EDA: variants seen among roughly 807,000 people sequenced by gnomAD.
The protein encoded by EDA is ectodysplasin-A.
In EDA, 2 loss-of-function variants were observed where a neutral mutation model predicts 23.6. The observed-to-expected ratio is 0.08, with a 90% CI of 0.03 to 0.27. The LOEUF (loss-of-function observed/expected upper bound fraction) is 0.27, where lower values mean the gene tolerates loss of function less well. Ranked by LOEUF, EDA falls within the 10% of genes least tolerant of loss-of-function variation. The pLI is 1.00. For synonymous variants in EDA, 131 were observed against 132.0 expected (o/e 0.99, Z 0.05); for missense variants, 229 against 324.2 (o/e 0.71, Z 2.26).
At chrX:69,892,154 G>A (rs1282538333) in intron 1 of EDA, among the ~76,000 whole-genome samples, 1 of 111,910 alleles carries the variant, frequency 8.9e-6, no homozygotes. Flanking sequence ...TAAGGTATTT[G>A]TATGCTTCTT....
intron 1 of EDA, among the ~76,000 whole-genome samples, chrX:69,842,268 G>A (rs1439664639): frequency 9.0e-6 from 1 of 111,707 alleles, no homozygotes; most frequent in African/African-American, 3.3e-5. Flanking sequence ...CTAATGTCTG[G>A]TGATCTGTCA....
At chrX:69,877,475 T>G (rs2017663880) in intron 1 of EDA, among the ~76,000 whole-genome samples, 1 of 112,644 alleles carries the variant, frequency 8.9e-6, no homozygotes, top group Non-Finnish European at 1.9e-5. Flanking sequence ...TTGAATATCT[T>G]TTATAATGTA....
chrX:69,750,755 G>T (rs1001570951), intron 1 of EDA, among the ~76,000 whole-genome samples: 1 of 111,804 alleles, frequency 8.9e-6, no homozygotes, highest in Non-Finnish European at 1.9e-5. Context: ...ATTTTGACTC[G>T]CATTTCTCTA....
intron 1 of EDA, among the ~76,000 whole-genome samples, chrX:69,791,986 G>A (rs766183107): frequency 1.8e-5 from 2 of 111,605 alleles, no homozygotes; most frequent in Non-Finnish European, 3.8e-5. Flanking sequence ...AACAGTTTTG[G>A]GGGGTACAGC....
At chrX:69,998,007 G>A (rs756946668) in intron 2 of EDA, among the ~76,000 whole-genome samples, 3 of 112,505 alleles carry the variant, frequency 2.7e-5, no homozygotes, top group Non-Finnish European at 5.6e-5. Context: ...CAATGCAGAA[G>A]GGAAAAGAGG....
At chrX:69,719,025 G>A (rs2012462119) in intron 1 of EDA, among the ~76,000 whole-genome samples, 1 of 111,193 alleles carries the variant, frequency 9.0e-6, no homozygotes, top group African/African-American at 3.3e-5. Flanking sequence ...GTTGAGGCTT[G>A]GTAGGTTGTT....
intron 1 of EDA, among the ~76,000 whole-genome samples, chrX:69,649,874 A>C (rs914378945): frequency 3.6e-5 from 4 of 112,166 alleles, no homozygotes; most frequent in African/African-American, 1.3e-4. Flanking sequence ...GGCATGAGCC[A>C]CCACACCCAG....
intron 1 of EDA, among the ~76,000 whole-genome samples, chrX:69,787,301 A>C (rs1210826721): frequency 1.0e-5 from 1 of 99,575 alleles, no homozygotes; most frequent in Admixed American, 1.1e-4. Context: ...ATTTAAAGTT[A>C]ATATTGTTAT....
At chrX:69,822,067 G>A (rs898628966) in intron 1 of EDA, among the ~76,000 whole-genome samples, 1 of 110,887 alleles carries the variant, frequency 9.0e-6, no homozygotes, top group Non-Finnish European at 1.9e-5. Flanking sequence ...ATGATTGCTT[G>A]AGGCCAGGAG....
chrX:69,888,470 G>T (rs1203463265), intron 1 of EDA, among the ~76,000 whole-genome samples: 1 of 107,042 alleles, frequency 9.3e-6, no homozygotes, highest in Non-Finnish European at 1.9e-5. Context: ...AATGTATAGG[G>T]ATTAAAGTCT....
chrX:69,930,788 A>C (rs1053394104), intron 1 of EDA, among the ~76,000 whole-genome samples: 3 of 111,418 alleles, frequency 2.7e-5, no homozygotes, highest in African/African-American at 9.8e-5. Flanking sequence ...AAATCCACAA[A>C]ACAACTACCA....
At chrX:69,981,999 G>A (rs2019415159) in intron 2 of EDA, among the ~76,000 whole-genome samples, 1 of 111,469 alleles carries the variant, frequency 9.0e-6, no homozygotes, top group Admixed American at 9.6e-5. Context: ...ATAGTGGTTG[G>A]AGGAGAGGGG....
intron 1 of EDA, among the ~76,000 whole-genome samples, chrX:69,797,671 CA>C (rs1335580419): frequency 9.0e-6 from 1 of 111,266 alleles, no homozygotes; most frequent in East Asian, 2.8e-4. Flanking sequence ...AGCAAACACA[CA>C]AATGAGGCAG....
In EDA at chrX:69,849,736, ACGATTCCTCGAT is replaced by A. The variant is rs753686443; in HGVS notation, c.397-107290_397-107279del. Among the ~76,000 whole-genome samples, 6 of 111,876 alleles carry A rather than the reference ACGATTCCTCGAT, an allele frequency of 5.4e-5. No individual in the cohort carries two copies. The East Asian group carries it at 1.7e-3, about 31-fold the overall frequency. ...GAATGTCATGCTTTGCAAGCTAGCC[ACGATTCCTCGAT>A]GTTCAGGAACTTTTTTAAAAATATG... On this transcript the variant is annotated intron_variant, in intron 1 of 7. Transcript: ENST00000374552.
chrX:69,899,107 TG>T (rs1259683992), intron 1 of EDA, among the ~76,000 whole-genome samples: 1 of 112,227 alleles, frequency 8.9e-6, no homozygotes, highest in African/African-American at 3.2e-5. Context: ...TCTTTTAATG[TG>T]AGATCATACC....
At chrX:69,850,456 C>T (rs1293336150) in intron 1 of EDA, among the ~76,000 whole-genome samples, 1 of 112,037 alleles carries the variant, frequency 8.9e-6, no homozygotes, top group East Asian at 2.8e-4. Context: ...TACCTTTCTC[C>T]AACTCATTTA....
chrX:69,789,164 G>A (rs759605349), intron 1 of EDA, among the ~76,000 whole-genome samples: 13 of 111,962 alleles, frequency 1.2e-4, no homozygotes, highest in South Asian at 3.7e-4. Flanking sequence ...TGCATGGTGC[G>A]TGCACCCACT....
intron 1 of EDA, among the ~76,000 whole-genome samples, chrX:69,701,261 G>T (rs952446919): frequency 2.7e-5 from 3 of 111,238 alleles, no homozygotes; most frequent in Non-Finnish European, 5.7e-5. Context: ...GTTTTGGTCG[G>T]CTCAGGAAGG....
intron 1 of EDA, among the ~76,000 whole-genome samples, chrX:69,656,859 G>A (rs191807651): frequency 9.7e-4 from 109 of 111,990 alleles, no homozygotes; most frequent in Middle Eastern, 4.6e-3. Context: ...ATAGTATTCC[G>A]TGGTGTATAG....
Sources: allele counts gnomAD v4.1 joint callset (sites outside exome capture counted in the v4.1 genomes callset), GRCh38; gene constraint gnomAD v4.1.1; transcripts MANE v1.5; gene names NCBI Gene and HGNC (gene_info 2026-07-23, HGNC 2026-07-21).